Variants in COL4A4 observed in about 807,000 individuals in gnomAD.
The protein encoded by COL4A4 is collagen alpha-4(IV) chain.
In COL4A4, 105 loss-of-function variants were observed where a neutral mutation model predicts 192.9. That is an observed-to-expected ratio of 0.54 (90% CI 0.46 to 0.64). The LOEUF is 0.64. Among genes scored for constraint, COL4A4 ranks in the 30% least tolerant of loss-of-function variants. The pLI is 0.00. For missense variants in COL4A4, 1,967 were observed against 2,169.3 expected (o/e 0.91, Z 1.85); for synonymous variants, 762 against 769.9 (o/e 0.99, Z 0.17).
intron 45 of COL4A4, among the ~76,000 whole-genome samples, chr2:227,011,723 G>A (rs937888429): frequency 6.6e-6 from 1 of 152,116 alleles, no homozygotes; most frequent in Non-Finnish European, 1.5e-5. Flanking sequence ...TTCTACATCA[G>A]TGTACTAATG....
intron 43 of COL4A4, among the ~76,000 whole-genome samples, chr2:227,024,011 AAAAAAC>A (rs1435260747): frequency 6.6e-6 from 1 of 150,686 alleles, no homozygotes; most frequent in African/African-American, 2.4e-5. Context: ...TCTCAAAAAA[AAAAAAC>A]AAAAAACAAA....
intron 20 of COL4A4, among the ~76,000 whole-genome samples, chr2:227,093,335 T>C (rs1301725433): frequency 6.6e-6 from 1 of 152,174 alleles, no homozygotes; most frequent in Admixed American, 6.5e-5. Flanking sequence ...GGGCCTGTAT[T>C]CTGCTAAGAT....
In COL4A4 at chr2:227,148,014, G is replaced by A. The variant is rs2063664022; in HGVS notation, c.-101-430C>T. On this transcript the variant is annotated intron_variant, in intron 1 of 47. Transcript: ENST00000396625. ...TTCTAGTATACAAACATACATTTTT[G>A]TATATTTGTACACATACAGCAAATA... Among the ~76,000 whole-genome samples the A allele has an allele frequency of 2.6e-5, 4 of 151,890 alleles. 1 individual carries two copies. Among genetic ancestry groups the A allele is most frequent in the African/African-American group, 7.2e-5 (3 of 41,504 alleles).
intron 31 of COL4A4, among the ~76,000 whole-genome samples, chr2:227,053,797 C>T (rs763868918): frequency 6.6e-6 from 1 of 152,020 alleles, no homozygotes; most frequent in Non-Finnish European, 1.5e-5. Context: ...CTGCCCGTCT[C>T]GGCCTCCCAA....
intron 18 of COL4A4, among the ~76,000 whole-genome samples, chr2:227,099,404 T>C (rs1019328846): frequency 6.6e-6 from 1 of 152,152 alleles, no homozygotes; most frequent in Non-Finnish European, 1.5e-5. Context: ...CGATTAAAAA[T>C]AGACTTTCTG....
chr2:227,024,135 A>G (rs1042640916), intron 43 of COL4A4, among the ~76,000 whole-genome samples: 1 of 152,202 alleles, frequency 6.6e-6, no homozygotes, highest in South Asian at 2.1e-4. Flanking sequence ...CTCCAAACCC[A>G]TGTTCTTAAC....
chr2:227,055,623 CAG>C (rs1423692396), intron 30 of COL4A4, among the ~76,000 whole-genome samples: 5 of 152,302 alleles, frequency 3.3e-5, no homozygotes, highest in East Asian at 1.9e-4. Flanking sequence ...AATCCCCTAA[CAG>C]GGGGTAGGGA....
intron 45 of COL4A4, among the ~76,000 whole-genome samples, chr2:227,011,772 G>A (rs538607639): frequency 6.6e-6 from 1 of 152,128 alleles, no homozygotes; most frequent in Non-Finnish European, 1.5e-5. Flanking sequence ...GAAACCAGGC[G>A]ATTTGGCCAC....
Position 227,031,707 on chromosome 2 carries a change from C to G in COL4A4, c.3817+238G>C, listed in dbSNP as rs115452453. ...CTTATCAGTTTCTAGCCTGAAGAGA[C>G]GAGGGTCTAACAGAGCTGAAATTGA... On this transcript the variant is annotated intron_variant, in intron 40 of 47. Coordinates refer to ENST00000396625, the MANE Select transcript of COL4A4 (RefSeq NM_000092.5). 0.036 allele frequency among the ~76,000 whole-genome samples: 5,507 copies of G among 152,134 alleles called. 165 individuals are homozygous for G. Among genetic ancestry groups the G allele is most frequent in the Non-Finnish European group, 0.05 (3,398 of 68,008 alleles).
chr2:227,059,686 AAGACTTACTT>A, intron 27 of COL4A4, 63 bp from the exon 28 acceptor site: 3 of 1,180,024 alleles, frequency 2.5e-6, no homozygotes, highest in Non-Finnish European at 3.8e-6. Context: ...CAATACATAT[AAGACTTACTT>A]TGATAAAAAT....
In COL4A4 at chr2:227,054,740, G is replaced by A. The variant is rs191634780; in HGVS notation, c.2717-3C>T. 198 of 1,613,488 alleles carry A rather than the reference G, an allele frequency of 1.2e-4. No homozygotes were observed. Among genetic ancestry groups the A allele is most frequent in the Non-Finnish European group, 1.6e-4 (191 of 1,179,826 alleles). On this transcript the variant is annotated splice_polypyrimidine_tract_variant and splice_region_variant and intron_variant, in intron 30 of 47. Coordinates refer to ENST00000396625, the MANE Select transcript of COL4A4 (RefSeq NM_000092.5). ...GAAACCAGGCAGCCCCCGGGGTCCTGGTGAAATGAGAGCATAAAGTTTTAG... is the reference window on the plus strand; with the variant it reads ...GAAACCAGGCAGCCCCCGGGGTCCTAGTGAAATGAGAGCATAAAGTTTTAG...
At chr2:226,993,288 T>C in the COL4A4 span, among the ~76,000 whole-genome samples, 171 of 152,342 alleles carry the variant, frequency 1.1e-3, no homozygotes, top group African/African-American at 4.0e-3. Flanking sequence ...CTCCATGGGT[T>C]TCTGCCCTGT....
At chr2:227,001,334 C>T (rs1249541562), downstream of COL4A4, among the ~76,000 whole-genome samples, 1 of 152,060 alleles carries the variant, frequency 6.6e-6, no homozygotes, top group East Asian at 1.9e-4. Flanking sequence ...ACCTCATGAT[C>T]CGCCCACCTT....
chr2:227,027,810 G>A, intron 42 of COL4A4, 92 bp downstream of exon 42: 1 of 906,626 alleles, frequency 1.1e-6, no homozygotes, highest in African/African-American at 1.6e-5. Flanking sequence ...TAATAAGAAT[G>A]TGCTAGTAAT....
chr2:227,011,567 G>C (rs1280173290), intron 45 of COL4A4, among the ~76,000 whole-genome samples: 4 of 152,194 alleles, frequency 2.6e-5, no homozygotes. Context: ...GGACTCTCTG[G>C]AGATGGGATT....
the COL4A4 span, among the ~76,000 whole-genome samples, chr2:226,990,025 C>T: frequency 1.3e-5 from 2 of 152,276 alleles, no homozygotes; most frequent in South Asian, 2.1e-4. Flanking sequence ...TTACCTTTCT[C>T]GTAAACCAAA....
chr2:227,050,085 C>G lies in COL4A4; in HGVS notation c.3197G>C (p.Gly1066Ala). The change falls in exon 34 of 48, where the codon GGA (glycine) becomes GCA (alanine). Residue 1066 changes from glycine (G) to alanine (A), a missense_variant. Gly to Ala is a moderately conservative substitution (Grantham distance 60). Transcript: ENST00000396625. The stretch of plus-strand genomic sequence containing the variant: ...AACCATACCTTTAGGTCCTCTTGCT[C>G]CATCAATTCCTGAAAATCCAGGGGG... Reference protein sequence around the residue: ...PGPPGFSGIDGARGPKGNKGD... With the variant: ...PGPPGFSGIDAARGPKGNKGD... The G allele has an allele frequency of 6.2e-7, 1 of 1,614,192 alleles. No homozygotes were observed. The highest frequency in any genetic ancestry group is 8.5e-7 in the Non-Finnish European group (1 of 1,180,016).
At chr2:227,082,286 T>G in intron 22 of COL4A4, 99 bp from the exon 23 acceptor site, 15 of 1,098,028 alleles carry the variant, frequency 1.4e-5, no homozygotes, top group South Asian at 6.2e-5. Context: ...CCTAAATCTC[T>G]TGTTAAAGAT....
intron 4 of COL4A4, among the ~76,000 whole-genome samples, chr2:227,136,504 T>A (rs1282893784): frequency 6.6e-6 from 1 of 152,204 alleles, no homozygotes; most frequent in African/African-American, 2.4e-5. Flanking sequence ...AGATGAAAAC[T>A]CATGCTGGGG....
Sources: allele counts gnomAD v4.1 joint callset (sites outside exome capture counted in the v4.1 genomes callset), GRCh38; gene constraint gnomAD v4.1.1; transcripts MANE v1.5; gene names NCBI Gene and HGNC (gene_info 2026-07-23, HGNC 2026-07-21).